LSAMP: variants seen among roughly 807,000 people sequenced by gnomAD.
The protein encoded by LSAMP is limbic system associated membrane protein.
Under a neutral mutation model 38.6 loss-of-function variants are expected in LSAMP, and 7 were observed. The ratio of observed to expected loss-of-function variants is 0.18; its 90% confidence interval spans 0.10 to 0.34. LSAMP has a LOEUF of 0.34. Among genes scored for constraint, LSAMP ranks in the 10% least tolerant of loss-of-function variants. LSAMP has a pLI of 1.00. For missense variants in LSAMP, 313 were observed against 420.0 expected, an observed-to-expected ratio of 0.75 and a Z score of 2.23; for synonymous variants, 154 against 166.8, an observed-to-expected ratio of 0.92 and a Z score of 0.59.
At chr3:116,290,731 C>CAAA (rs1336080777) in intron 1 of LSAMP, among the ~76,000 whole-genome samples, 2 of 73,378 alleles carry the variant, frequency 2.7e-5, no homozygotes, top group South Asian at 1.1e-3. Context: ...CTCTGTCTCA[C>CAAA]AAAAATAATA....
chr3:116,018,942 A>C (rs1940559000), intron 3 of LSAMP, among the ~76,000 whole-genome samples: 1 of 152,178 alleles, frequency 6.6e-6, no homozygotes, highest in Admixed American at 6.6e-5. Context: ...GGACAATAAA[A>C]GTCAGAAACA....
intron 3 of LSAMP, among the ~76,000 whole-genome samples, chr3:115,995,800 T>G (rs920816822): frequency 6.6e-6 from 1 of 152,092 alleles, no homozygotes; most frequent in Non-Finnish European, 1.5e-5. Flanking sequence ...GATCAAATTT[T>G]CTTGGAAAAT....
intron 6 of LSAMP, among the ~76,000 whole-genome samples, chr3:115,833,341 T>C (rs528731706): frequency 4.0e-5 from 6 of 150,050 alleles, no homozygotes; most frequent in African/African-American, 1.2e-4. Context: ...TAGAAACAGA[T>C]TTCATTGTTT....
intron 2 of LSAMP, among the ~76,000 whole-genome samples, chr3:116,019,919 A>T (rs1288945282): frequency 6.6e-6 from 1 of 152,172 alleles, no homozygotes; most frequent in African/African-American, 2.4e-5. Flanking sequence ...TTTTAAAAAT[A>T]CTAGAATGGA....
chr3:115,924,013 A>C (rs1309968581), intron 3 of LSAMP, among the ~76,000 whole-genome samples: 1 of 152,116 alleles, frequency 6.6e-6, no homozygotes, highest in Non-Finnish European at 1.5e-5. Context: ...CAAGGCCATC[A>C]GTATAAAGGG....
intron 1 of LSAMP, among the ~76,000 whole-genome samples, chr3:116,293,072 TG>T (rs1351224108): frequency 6.6e-6 from 1 of 152,210 alleles, no homozygotes; most frequent in Non-Finnish European, 1.5e-5. Flanking sequence ...CCCTATCATA[TG>T]TACCATAATT....
rs577171322 is a variant in LSAMP, at chr3:116,412,091, G to A, written c.155+32786C>T. Among the ~76,000 whole-genome samples, 13 of 152,104 alleles carry A rather than the reference G, an allele frequency of 8.5e-5. No homozygotes were observed. In the South Asian group the frequency reaches 2.7e-3, roughly 32 times the overall value. ...GTAGTCCATTATATCAAGAGAAAGCGGACTAAGGCAGTTATATTGCTGATA... is the reference window on the plus strand; with the variant it reads ...GTAGTCCATTATATCAAGAGAAAGCAGACTAAGGCAGTTATATTGCTGATA... On this transcript the variant is annotated intron_variant, in intron 1 of 6. Transcript: ENST00000490035.
chr3:115,957,626 A>G (rs771234918), intron 3 of LSAMP, among the ~76,000 whole-genome samples: 34 of 152,180 alleles, frequency 2.2e-4, no homozygotes, highest in Non-Finnish European at 4.0e-4. Context: ...GAGCTAGGAA[A>G]TTTGTATCTT....
At chr3:115,963,220 C>T (rs1938687658) in intron 3 of LSAMP, among the ~76,000 whole-genome samples, 1 of 152,150 alleles carries the variant, frequency 6.6e-6, no homozygotes, top group Admixed American at 6.5e-5. Flanking sequence ...AGAATTTTAA[C>T]ACATGTACCA....
At chr3:116,283,094 T>G (rs1272739623) in intron 1 of LSAMP, among the ~76,000 whole-genome samples, 1 of 151,794 alleles carries the variant, frequency 6.6e-6, no homozygotes, top group African/African-American at 2.4e-5. Context: ...TAACAGTAAG[T>G]AAGGTAAAAC....
chr3:116,293,111 T>C (rs2047289966), intron 1 of LSAMP, among the ~76,000 whole-genome samples: 1 of 152,220 alleles, frequency 6.6e-6, no homozygotes, highest in Non-Finnish European at 1.5e-5. Context: ...GTTTGGCTTT[T>C]TTCCCTGTGA....
chr3:116,163,888 A>G (rs1709966013), intron 1 of LSAMP, among the ~76,000 whole-genome samples: 2 of 152,214 alleles, frequency 1.3e-5, no homozygotes, highest in Non-Finnish European at 2.9e-5. Flanking sequence ...AAAAAAACGA[A>G]TAAGATCACA....
chr3:115,965,847 G>T (rs1336872886), intron 3 of LSAMP, among the ~76,000 whole-genome samples: 1 of 152,006 alleles, frequency 6.6e-6, no homozygotes, highest in African/African-American at 2.4e-5. Flanking sequence ...ACCTTTAAAA[G>T]GCTGATAGTT....
chr3:115,955,880 T>G (rs898295575), intron 3 of LSAMP, among the ~76,000 whole-genome samples: 1 of 152,148 alleles, frequency 6.6e-6, no homozygotes. Flanking sequence ...ATTTAAACAT[T>G]TGGGCAGATG....
intron 3 of LSAMP, among the ~76,000 whole-genome samples, chr3:115,896,965 G>A (rs1019760328): frequency 2.0e-5 from 3 of 152,092 alleles, no homozygotes; most frequent in South Asian, 2.1e-4. Context: ...CCTGCCCTTT[G>A]GGGTTGTATC....
chr3:116,100,606 G>T (rs908972679), intron 1 of LSAMP, among the ~76,000 whole-genome samples: 8 of 151,930 alleles, frequency 5.3e-5, no homozygotes, highest in Admixed American at 3.9e-4. Flanking sequence ...CTGGTGTTTT[G>T]GTCTGCGATA....
At chr3:115,857,820 T>C (rs1935555215) in intron 3 of LSAMP, among the ~76,000 whole-genome samples, 1 of 152,204 alleles carries the variant, frequency 6.6e-6, no homozygotes, top group Non-Finnish European at 1.5e-5. Context: ...TATTTCTTCA[T>C]AAGTCAGAAA....
At chr3:116,212,598 C>G (rs889912016) in intron 1 of LSAMP, among the ~76,000 whole-genome samples, 1 of 151,654 alleles carries the variant, frequency 6.6e-6, no homozygotes, top group Non-Finnish European at 1.5e-5. Flanking sequence ...TTCAAAGACA[C>G]CCTTCTGAGT....
Position 115,810,353 on chromosome 3 carries a change from C to T in LSAMP, c.981G>A (p.Leu327=). The T allele has an allele frequency of 6.2e-7, 1 of 1,613,496 alleles. No homozygotes were observed. The highest frequency in any genetic ancestry group is 8.5e-7 in the Non-Finnish European group (1 of 1,179,692). The part of the protein sequence containing the change: ...SISLAVPLWL[L]AASLLCLLSK... ...TGAGAAGGCAGAGCAGAGATGCTGC[C>T]AGCAGCCACAGTGGTACGGCCAGAC... Residue 327 remains leucine, a synonymous_variant, in exon 7 of 7, where the codon CTG becomes CTA. Transcript: ENST00000490035.
Sources: gnomAD v4.1 joint callset for allele counts (sites outside exome capture counted in the v4.1 genomes callset) on GRCh38, gnomAD v4.1.1 for gene constraint, MANE v1.5 for transcripts, NCBI Gene and HGNC (gene_info 2026-07-23, HGNC 2026-07-21) for gene names.